The following CSMD1 variants were observed in gnomAD, a reference collection of about 807,000 sequenced individuals.
The protein encoded by CSMD1 is CUB and sushi domain-containing protein 1.
CSMD1 carries 213 observed loss-of-function variants against 417.5 expected under a neutral mutation model. The observed-to-expected ratio is 0.51, with a 90% CI of 0.46 to 0.57. The LOEUF (loss-of-function observed/expected upper bound fraction) is 0.57. Ranked by LOEUF, CSMD1 falls within the 20% of genes least tolerant of loss-of-function variation. CSMD1 has a pLI of 0.00. For synonymous variants in CSMD1, 2,862 were observed against 1,736.8 expected, an observed-to-expected ratio of 1.65 and a Z score of -16.11; for missense variants, 6,923 against 4,529.7, an observed-to-expected ratio of 1.53 and a Z score of -15.17.
At chr8:3,639,775 T>A (rs1448337004) in intron 7 of CSMD1, among the ~76,000 whole-genome samples, 6 of 152,216 alleles carry the variant, frequency 3.9e-5, no homozygotes, top group African/African-American at 1.4e-4. Context: ...TTATTCTTCA[T>A]AATCTTCTAA....
chr8:4,262,441 T>TCCC (rs1329122810), intron 3 of CSMD1, among the ~76,000 whole-genome samples: 1 of 152,184 alleles, frequency 6.6e-6, no homozygotes, highest in Non-Finnish European at 1.5e-5. Flanking sequence ...CCTTTCATGT[T>TCCC]CCCCGCGCAG....
chr8:3,888,773 C>T (rs774480845), intron 5 of CSMD1, among the ~76,000 whole-genome samples: 47 of 152,226 alleles, frequency 3.1e-4, no homozygotes, highest in Middle Eastern at 3.4e-3. Flanking sequence ...AATGGTCCTT[C>T]CATTTGGGTC....
chr8:4,619,144 A>T (rs952416744), intron 2 of CSMD1, among the ~76,000 whole-genome samples: 1 of 152,146 alleles, frequency 6.6e-6, no homozygotes, highest in Non-Finnish European at 1.5e-5. Context: ...TTAACTCATG[A>T]GAAAGAAATG....
intron 3 of CSMD1, among the ~76,000 whole-genome samples, chr8:4,175,712 T>A (rs1441603025): frequency 2.6e-5 from 4 of 152,172 alleles, no homozygotes; most frequent in African/African-American, 9.7e-5. Flanking sequence ...GAGAATTTTA[T>A]TGTCCAAGAG....
intron 3 of CSMD1, among the ~76,000 whole-genome samples, chr8:4,287,720 G>A (rs1345732956): frequency 1.3e-5 from 2 of 151,098 alleles, no homozygotes; most frequent in African/African-American, 4.9e-5. Flanking sequence ...GAGAGGGTTA[G>A]CAAGTTACAC....
intron 3 of CSMD1, among the ~76,000 whole-genome samples, chr8:4,160,019 A>T (rs931293299): frequency 6.6e-6 from 1 of 152,016 alleles, no homozygotes; most frequent in Non-Finnish European, 1.5e-5. Context: ...GTGCACCAAA[A>T]TTTCAGAAAT....
chr8:4,166,777 C>T (rs1345110195), intron 3 of CSMD1, among the ~76,000 whole-genome samples: 2 of 152,134 alleles, frequency 1.3e-5, no homozygotes, highest in Admixed American at 6.5e-5. Context: ...CAAAATGTAG[C>T]CCTACCAAAA....
intron 25 of CSMD1, among the ~76,000 whole-genome samples, chr8:3,307,093 T>A (rs1503278): frequency 6.6e-6 from 1 of 152,030 alleles, no homozygotes. Context: ...AAATATGACT[T>A]TGCTTCTCTT....
chr8:4,202,095 G>GT (rs5889026), intron 3 of CSMD1, among the ~76,000 whole-genome samples: 119,205 of 151,724 alleles, frequency 0.79, 47,572 homozygotes, highest in South Asian at 0.88. Flanking sequence ...AGTAAATTTT[G>GT]TTTTTTTGTT....
chr8:3,427,651 G>C (rs1383933609), intron 12 of CSMD1, among the ~76,000 whole-genome samples: 2 of 151,932 alleles, frequency 1.3e-5, no homozygotes, highest in Non-Finnish European at 2.9e-5. Context: ...CAAAAATAAT[G>C]ATATTTATTA....
intron 2 of CSMD1, among the ~76,000 whole-genome samples, chr8:4,631,095 G>C (rs1242936163): frequency 2.0e-5 from 3 of 152,146 alleles, no homozygotes; most frequent in African/African-American, 7.2e-5. Flanking sequence ...AGGTGCGGTG[G>C]CTCACACCTG....
At chr8:3,195,641 G>C (rs1431279993) in intron 33 of CSMD1, among the ~76,000 whole-genome samples, 2 of 152,150 alleles carry the variant, frequency 1.3e-5, no homozygotes, top group African/African-American at 2.4e-5. Flanking sequence ...GCCAGTCCCT[G>C]CTTGATGGTA....
chr8:4,053,643 G>C (rs777954572), intron 3 of CSMD1, among the ~76,000 whole-genome samples: 6 of 151,984 alleles, frequency 3.9e-5, no homozygotes, highest in Non-Finnish European at 5.9e-5. Flanking sequence ...CTTGCATAGA[G>C]TGTCATATAC....
chr8:3,492,029 G>A lies in CSMD1; in HGVS notation c.1448+1594C>T, dbSNP rs1038604117. ...CAGGGCAAATGGGAGGGGTAGGAAG[G>A]GATGAGGAAAAGGATTAATCAGTGA... On this transcript the variant is annotated intron_variant, in intron 11 of 69. Transcript: ENST00000635120. Among the ~76,000 whole-genome samples, 9 of 152,278 alleles carry A rather than the reference G, an allele frequency of 5.9e-5. No individual in the cohort carries two copies. The East Asian group carries it at 1.5e-3, about 26-fold the overall frequency.
chr8:3,460,377 G>C (rs1214752610), intron 12 of CSMD1, among the ~76,000 whole-genome samples: 1 of 152,110 alleles, frequency 6.6e-6, no homozygotes, highest in East Asian at 1.9e-4. Context: ...GATGAAGATG[G>C]AATCTGGAAA....
At chr8:4,420,131 A>T (rs775801841) in intron 2 of CSMD1, 66 bp from the exon 3 acceptor site, 2 of 1,138,830 alleles carry the variant, frequency 1.8e-6, no homozygotes, top group East Asian at 2.6e-5. Context: ...AGCTTATTTG[A>T]TGAAGTCACT....
intron 1 of CSMD1, among the ~76,000 whole-genome samples, chr8:4,639,072 A>G (rs1171462050): frequency 2.0e-5 from 3 of 152,088 alleles, no homozygotes; most frequent in Non-Finnish European, 4.4e-5. Flanking sequence ...ACCACTAGAC[A>G]AACTGAAATG....
intron 3 of CSMD1, among the ~76,000 whole-genome samples, chr8:4,125,023 C>T (rs1585368191): frequency 6.6e-6 from 1 of 152,198 alleles, no homozygotes; most frequent in East Asian, 1.9e-4. Flanking sequence ...GCCGCACACT[C>T]TTGGGGTCCG....
chr8:4,279,234 T>A (rs1281819356), intron 3 of CSMD1, among the ~76,000 whole-genome samples: 1 of 152,136 alleles, frequency 6.6e-6, no homozygotes, highest in African/African-American at 2.4e-5. Context: ...AAGCAGTCGA[T>A]GGCACAAGTG....
Sources: allele counts gnomAD v4.1 joint callset (sites outside exome capture counted in the v4.1 genomes callset), GRCh38; gene constraint gnomAD v4.1.1; transcripts MANE v1.5; gene names NCBI Gene and HGNC (gene_info 2026-07-23, HGNC 2026-07-21).